The following REV1 variants were observed in gnomAD, a reference collection of about 807,000 sequenced individuals.
The protein encoded by REV1 is REV1 DNA directed polymerase, also known as translesion synthesis protein REV1.
REV1 carries 42 observed loss-of-function variants against 137.4 expected under a neutral mutation model. That is an observed-to-expected ratio of 0.31 (90% confidence interval 0.24 to 0.40). The LOEUF is 0.40. REV1 is among the 10% of genes least tolerant of loss of function. The pLI is 1.00. For synonymous variants in REV1, 524 were observed against 519.2 expected, an observed-to-expected ratio of 1.01 and a Z score of -0.12; for missense variants, 1,282 against 1,490.1, an observed-to-expected ratio of 0.86 and a Z score of 2.30.
At chr2:99,472,721 G>A (rs1015621938) in intron 1 of REV1, among the ~76,000 whole-genome samples, 1 of 152,162 alleles carries the variant, frequency 6.6e-6, no homozygotes, top group African/African-American at 2.4e-5. Context: ...GCAGTAGTGG[G>A]AGGCCATTTG....
intron 5 of REV1, among the ~76,000 whole-genome samples, chr2:99,439,905 C>T (rs1013833409): frequency 6.6e-6 from 1 of 152,108 alleles, no homozygotes; most frequent in Non-Finnish European, 1.5e-5. Context: ...CAGATGGTTT[C>T]AGTAGGAAAA....
Position 99,407,080 on chromosome 2 carries a change from C to CTTTTTTTTTTTTTTT in REV1, c.2449-605_2449-591dup, listed in dbSNP as rs869170472. 4.7e-3 allele frequency among the ~76,000 whole-genome samples: 282 copies of CTTTTTTTTTTTTTTT among 60,046 alleles called. 59 individuals are homozygous for CTTTTTTTTTTTTTTT. The highest frequency in any genetic ancestry group is 7.3e-3 in the Admixed American group (23 of 3,158). 39.4% of individuals were successfully genotyped at this position (60,046 alleles called of 152,430 possible). A position where few individuals can be genotyped will look rare whatever the true frequency, so the allele number is the denominator to read the frequency against. On this transcript the variant is annotated intron_variant, in intron 15 of 22. Transcript: ENST00000258428. ...ACATAAAACTAAACCTACAAAGGTT[C>CTTTTTTTTTTTTTTT]TTTTTTTTTTTTTTTTTTTTTTTTT...
chr2:99,473,923 A>C (rs1175661985), intron 1 of REV1, among the ~76,000 whole-genome samples: 1 of 152,232 alleles, frequency 6.6e-6, no homozygotes, highest in Non-Finnish European at 1.5e-5. Flanking sequence ...TGTAATGCTA[A>C]GTACAGTATG....
chr2:99,428,512 T>C (rs1171726521), intron 9 of REV1, among the ~76,000 whole-genome samples: 2 of 152,234 alleles, frequency 1.3e-5, no homozygotes, highest in Non-Finnish European at 1.5e-5. Context: ...AAGTTTGGCA[T>C]GTCATGAATG....
chr2:99,455,383 T>C (rs1451731911), intron 3 of REV1, among the ~76,000 whole-genome samples: 1 of 152,208 alleles, frequency 6.6e-6, no homozygotes, highest in African/African-American at 2.4e-5. Flanking sequence ...ACTACTCTCT[T>C]GACTCTTCTC....
upstream of REV1, chr2:99,490,090 C>CCCGCCCACGCCCCCTCCGCGGCT (rs1687560915): frequency 6.7e-6 from 1 of 149,514 alleles, no homozygotes; most frequent in Non-Finnish European, 1.5e-5. Flanking sequence ...GCTCCCCGGC[C>CCCGCCCACGCCCCCTCCGCGGCT]CCGCTCGCGC....
Position 99,401,187 on chromosome 2 carries a change from C to T in REV1, c.*54G>A. The T allele has an allele frequency of 2.7e-6, 3 of 1,107,622 alleles. No homozygotes were observed. The South Asian group carries it at 3.8e-5, about 14-fold the overall frequency. The allele number at this position is 1,107,622 out of a possible 1,614,324, so 68.6% of individuals were successfully genotyped here. ...TTACTATCATGCACTTTGCAAATACCTCACAAGCACTTATGGCACAGCTAT... is the reference window on the plus strand; with the variant it reads ...TTACTATCATGCACTTTGCAAATACTTCACAAGCACTTATGGCACAGCTAT... On this transcript the variant is annotated 3_prime_UTR_variant, in exon 23 of 23. Transcript: ENST00000258428.
At chr2:99,462,338 TGGAAA>T (rs1478121916) in intron 3 of REV1, among the ~76,000 whole-genome samples, 153 bp downstream of exon 3, 1 of 152,152 alleles carries the variant, frequency 6.6e-6, no homozygotes, top group Non-Finnish European at 1.5e-5. Context: ...AAAAGCAACA[TGGAAA>T]GGAAAAAGAA....
At chr2:99,490,136 G>T (rs1687571748), upstream of REV1, 1 of 149,802 alleles carries the variant, frequency 6.7e-6, no homozygotes, top group African/African-American at 2.4e-5. Flanking sequence ...TGCTCCCCCC[G>T]GCCCGGGGCG....
rs575739001 is a variant in REV1 at position 99,463,711 on chromosome 2, G to A, written c.55-1089C>T. The stretch of plus-strand genomic sequence containing the variant: ...ACGATCTCAGCTCACTGCAAACTCC[G>A]CCTCCCAGGTTCAAGCAATTCTCCT... On this transcript the variant is annotated intron_variant, in intron 2 of 22. Coordinates refer to ENST00000258428, the MANE Select transcript of REV1 (RefSeq NM_016316.4). 2.6e-5 allele frequency among the ~76,000 whole-genome samples: 4 copies of A among 152,098 alleles called. No individual in the cohort carries two copies. The South Asian group carries it at 6.2e-4, about 24-fold the overall frequency.
rs1678670936 is a variant in REV1, at chr2:99,421,528, T to C, written c.1802A>G (p.Gln601Arg). The change falls in exon 11 of 23, where the codon CAG becomes CGG. Residue 601 changes from glutamine (Q) to arginine (R), a missense_variant. By Grantham distance (43) the Gln-to-Arg change is conservative (BLOSUM62 1). Around this residue, in one of 7 missense-constraint regions of REV1, gnomAD observed 372 missense variants for 482.3 expected, o/e 0.77. Transcript: ENST00000258428. ...ANAVRMEIKD[Q>R]TKCAASVGIG... The stretch of plus-strand genomic sequence containing the variant: ...TCCAACAGAGGCAGCACATTTCGTC[T>C]GGTCTTTGATTTCCATACGAACAGC... The C allele has an allele frequency of 1.9e-6, 3 of 1,614,118 alleles. No homozygotes were observed. In the East Asian group the frequency reaches 6.7e-5, roughly 36 times the overall value.
intron 9 of REV1, among the ~76,000 whole-genome samples, chr2:99,425,298 A>C (rs1679195459): frequency 6.6e-6 from 1 of 152,182 alleles, no homozygotes; most frequent in African/African-American, 2.4e-5. Flanking sequence ...AGTAGATGCA[A>C]AATCACATGC....
In REV1 at chr2:99,407,500, C is replaced by T. The variant is rs1055885659; in HGVS notation, c.2448+529G>A. ...CCAGGAGGCGGAAGTTGCAGTGAGC[C>T]GATACAACGCCATTGCACTCCAGCC... On this transcript the variant is annotated intron_variant, in intron 15 of 22. Transcript: ENST00000258428. 4.0e-5 allele frequency among the ~76,000 whole-genome samples: 6 copies of T among 151,228 alleles called. No individual in the cohort carries two copies. In the East Asian group the frequency reaches 5.9e-4, roughly 15 times the overall value.
chr2:99,404,295 A>T, intron 18 of REV1, 149 bp downstream of exon 18: 1 of 675,810 alleles, frequency 1.5e-6, no homozygotes, highest in Non-Finnish European at 2.5e-6. Context: ...GGAGATGGAG[A>T]CAAGCCCACT....
rs755236723 is a variant in REV1 at position 99,402,354 on chromosome 2, G to T, written c.3542-8C>A. 1.4e-6 allele frequency: 2 copies of T among 1,396,830 alleles called. No homozygotes were observed. The highest frequency in any genetic ancestry group is 1.4e-5 in the African/African-American group (1 of 70,412). The allele number at this position is 1,396,830 out of a possible 1,614,324, so 86.5% of individuals were successfully genotyped here. A position where few individuals can be genotyped will look rare whatever the true frequency, so the allele number is the denominator to read the frequency against. Reference sequence around the variant, plus strand: ...TGTCTTCTTCCATTGGATCTAGGAAGGGGGAAAAACTTCAAATGAGGACCA... The same window carrying T: ...TGTCTTCTTCCATTGGATCTAGGAATGGGGAAAAACTTCAAATGAGGACCA... On this transcript the variant is annotated splice_polypyrimidine_tract_variant and splice_region_variant and intron_variant, in intron 21 of 22. Coordinates refer to ENST00000258428, the MANE Select transcript of REV1 (RefSeq NM_016316.4).
chr2:99,404,579 C>CT lies in REV1; in HGVS notation c.2909dup (p.Lys971GlufsTer8). 1 of 1,614,084 alleles carries CT rather than the reference C, an allele frequency of 6.2e-7. No homozygotes were observed. The highest frequency in any genetic ancestry group is 8.5e-7 in the Non-Finnish European group (1 of 1,179,982). On this transcript the variant is annotated frameshift_variant, in exon 18 of 23. Coordinates refer to ENST00000258428, the MANE Select transcript of REV1 (RefSeq NM_016316.4). LOFTEE classifies it high-confidence loss of function. ...TATTACAGCCATTTACTGGTTCTTT[C>CT]TTTTTGTCGCCATGTGACTCTGCTT...
chr2:99,431,509 A>G (rs575209315), intron 8 of REV1, among the ~76,000 whole-genome samples: 5 of 151,988 alleles, frequency 3.3e-5, no homozygotes, highest in African/African-American at 9.7e-5. Flanking sequence ...GGAGTGCTGA[A>G]GCTTGAACAG....
chr2:99,447,553 T>A (rs1682376781), intron 4 of REV1, among the ~76,000 whole-genome samples: 1 of 152,132 alleles, frequency 6.6e-6, no homozygotes, highest in African/African-American at 2.4e-5. Context: ...AGAATAAAAA[T>A]AAAATAGTAA....
chr2:99,470,617 G>A (rs887224132), intron 1 of REV1, among the ~76,000 whole-genome samples: 1 of 152,186 alleles, frequency 6.6e-6, no homozygotes, highest in African/African-American at 2.4e-5. Flanking sequence ...TTATTTGAAG[G>A]TGTTTTTACC....
Sources: allele counts gnomAD v4.1 joint callset (sites outside exome capture counted in the v4.1 genomes callset), GRCh38; gene constraint gnomAD v4.1.1; regional missense constraint gnomAD v4.1.1; transcripts MANE v1.5; gene names NCBI Gene and HGNC (gene_info 2026-07-23, HGNC 2026-07-21).